AGO2: variants seen among roughly 807,000 people sequenced by gnomAD.
AGO2 encodes argonaute RISC catalytic component 2.
Under a neutral mutation model 102.3 loss-of-function variants are expected in AGO2, and 5 were observed. That is an observed-to-expected ratio of 0.05 (90% CI 0.03 to 0.10). AGO2 has a LOEUF of 0.10. AGO2 is among the 10% of genes least tolerant of loss of function. AGO2 has a pLI of 1.00. For synonymous variants in AGO2, 449 were observed against 473.1 expected, an observed-to-expected ratio of 0.95 and a Z score of 0.66; for missense variants, 541 against 1,183.7, an observed-to-expected ratio of 0.46 and a Z score of 7.97.
chr8:140,626,649 A>G (rs2074281805), intron 1 of AGO2: 1 of 152,262 alleles, frequency 6.6e-6, no homozygotes, highest in Non-Finnish European at 1.5e-5. Context: ...GGTGGGCCTG[A>G]CCTGAGCCTG....
At chr8:140,566,798 G>C (rs910807290) in intron 3 of AGO2, among the ~76,000 whole-genome samples, 3 of 152,172 alleles carry the variant, frequency 2.0e-5, no homozygotes, top group Non-Finnish European at 2.9e-5. Flanking sequence ...GGGCATGGGG[G>C]GACAATTCCA....
chr8:140,577,230 A>AAAATT, intron 2 of AGO2, among the ~76,000 whole-genome samples: 1 of 147,910 alleles, frequency 6.8e-6, no homozygotes, highest in Non-Finnish European at 1.5e-5. Flanking sequence ...AAAAAAAAAG[A>AAAATT]AACATGCCTG....
chr8:140,579,406 C>A lies in AGO2; in HGVS notation c.215+5713G>T, dbSNP rs140937020. 5.6e-4 allele frequency among the ~76,000 whole-genome samples: 85 copies of A among 152,274 alleles called. 1 individual carries two copies. The East Asian group carries it at 0.016, about 29-fold the overall frequency. ...GTATCAAACCCACACTTCTGAGGCG[C>A]CCATTTTCCTACTCTGTGTCTTTGG... On this transcript the variant is annotated intron_variant, in intron 2 of 18. Transcript: ENST00000220592.
intron 1 of AGO2, among the ~76,000 whole-genome samples, chr8:140,627,013 C>T (rs189561083): frequency 2.8e-4 from 43 of 152,254 alleles, no homozygotes; most frequent in African/African-American, 9.1e-4. Context: ...GCACACCAGG[C>T]GCCACACACA....
At chr8:140,580,336 T>A (rs1365735161) in intron 2 of AGO2, among the ~76,000 whole-genome samples, 1 of 152,248 alleles carries the variant, frequency 6.6e-6, no homozygotes, top group African/African-American at 2.4e-5. Flanking sequence ...ATTTTTCTCA[T>A]GGCCTTGGAT....
chr8:140,595,626 AT>A (rs1454182180), intron 1 of AGO2, among the ~76,000 whole-genome samples: 80 of 135,174 alleles, frequency 5.9e-4, no homozygotes, highest in East Asian at 4.9e-3. Flanking sequence ...ATATATATAT[AT>A]ATTATATATA....
In AGO2 at chr8:140,576,415, T is replaced by C. The variant is rs139509367; in HGVS notation, c.216-3483A>G. Among the ~76,000 whole-genome samples the C allele has an allele frequency of 6.6e-5, 10 of 152,330 alleles. 1 individual carries two copies. Among genetic ancestry groups the C allele is most frequent in the African/African-American group, 2.4e-4 (10 of 41,568 alleles). ...TCTAACAAAGAACTTGTATGCATAA[T>C]GTATTTAGGAAAATTCTTACAACTC... On this transcript the variant is annotated intron_variant, in intron 2 of 18. Coordinates refer to ENST00000220592, the MANE Select transcript of AGO2 (RefSeq NM_012154.5).
intron 11 of AGO2, among the ~76,000 whole-genome samples, chr8:140,549,778 T>C (rs1438218431): frequency 6.6e-6 from 1 of 152,180 alleles, no homozygotes; most frequent in Non-Finnish European, 1.5e-5. Flanking sequence ...TGGGCATAAC[T>C]TGGACTGTAT....
chr8:140,615,754 G>A (rs561714174), intron 1 of AGO2, among the ~76,000 whole-genome samples: 2 of 152,348 alleles, frequency 1.3e-5, no homozygotes, highest in Admixed American at 6.5e-5. Context: ...AGCTCTCCAC[G>A]CGGCTTCGCC....
intron 1 of AGO2, among the ~76,000 whole-genome samples, chr8:140,634,774 C>T (rs1409882452): frequency 1.3e-5 from 2 of 152,222 alleles, no homozygotes; most frequent in South Asian, 4.1e-4. Context: ...GAGCCGCGCA[C>T]GCAGTTTGAG....
intron 4 of AGO2, among the ~76,000 whole-genome samples, chr8:140,562,247 G>C (rs2073214481): frequency 6.6e-6 from 1 of 152,248 alleles, no homozygotes. Flanking sequence ...TTCCGGGCCA[G>C]GCCGAAAATG....
Position 140,585,177 on chromosome 8 carries a change from C to A in AGO2, c.157G>T (p.Asp53Tyr). 1 of 1,614,130 alleles carries A rather than the reference C, an allele frequency of 6.2e-7. No homozygotes were observed. Among genetic ancestry groups the A allele is most frequent in the South Asian group, 1.1e-5 (1 of 91,070 alleles). Residue 53 changes from aspartate to tyrosine, a missense_variant, in exon 2 of 19, where the codon GAC becomes TAC. Around this residue, in one of 6 missense-constraint regions of AGO2, gnomAD observed 147 missense variants for 204.1 expected, o/e 0.72. Transcript: ENST00000220592. ...ATATCCAATTCATAATGATAGATGT[C>A]AATTTTGGGGATGTCCATTTCGAAG... ...NFFEMDIPKI[D>Y]IYHYELDIKP...
rs543720673 is a variant in AGO2, at chr8:140,561,195, G to A, written c.519-685C>T. 3.3e-5 allele frequency among the ~76,000 whole-genome samples: 5 copies of A among 152,368 alleles called. No homozygotes were observed. The South Asian group carries it at 8.3e-4, about 25-fold the overall frequency. Reference sequence around the variant, plus strand: ...CTCCAGCACAGCAGCCTCACCTGCTGCACGGGCACCGTGGGGTCTGGTGGC... The same window carrying A: ...CTCCAGCACAGCAGCCTCACCTGCTACACGGGCACCGTGGGGTCTGGTGGC... On this transcript the variant is annotated intron_variant, in intron 4 of 18. Coordinates refer to ENST00000220592, the MANE Select transcript of AGO2 (RefSeq NM_012154.5).
chr8:140,562,399 G>C (rs2292773), intron 4 of AGO2, 54 bp downstream of exon 4: 4 of 1,557,674 alleles, frequency 2.6e-6, no homozygotes, highest in Non-Finnish European at 3.5e-6. Context: ...CCTGCGGGGG[G>C]CCCTCGGAGC....
At chr8:140,633,659 A>G (rs1429452179) in intron 1 of AGO2, among the ~76,000 whole-genome samples, 1 of 152,220 alleles carries the variant, frequency 6.6e-6, no homozygotes, top group East Asian at 1.9e-4. Flanking sequence ...GGTCCAGTCC[A>G]GCCCTAACAG....
Position 140,619,090 on chromosome 8 carries a change from C to A in AGO2, c.22+16395G>T, listed in dbSNP as rs115402781. On this transcript the variant is annotated intron_variant, in intron 1 of 18. Transcript: ENST00000220592. ...TGGCTCCTTATCCTGGTGGCAGCCGCGGCCTTATCTCTGTGATGCAGACAG... is the reference window on the plus strand; with the variant it reads ...TGGCTCCTTATCCTGGTGGCAGCCGAGGCCTTATCTCTGTGATGCAGACAG... Among the ~76,000 whole-genome samples, 255 of 152,056 alleles carry A rather than the reference C, an allele frequency of 1.7e-3. 3 individuals carry two copies. The highest frequency in any genetic ancestry group is 5.8e-3 in the African/African-American group (242 of 41,472).
intron 1 of AGO2, among the ~76,000 whole-genome samples, chr8:140,630,870 A>T (rs1218055356): frequency 6.6e-6 from 1 of 152,194 alleles, no homozygotes; most frequent in African/African-American, 2.4e-5. Flanking sequence ...CCTGGGCAAC[A>T]TGTCAGGACT....
chr8:140,629,562 G>A (rs931314960), intron 1 of AGO2, among the ~76,000 whole-genome samples: 2 of 151,980 alleles, frequency 1.3e-5, no homozygotes, highest in East Asian at 3.9e-4. Flanking sequence ...GGAGGGGGCC[G>A]GGCGCAGTGG....
At chr8:140,538,486 CT>C (rs2072736487) in intron 16 of AGO2, among the ~76,000 whole-genome samples, 1 of 152,206 alleles carries the variant, frequency 6.6e-6, no homozygotes, top group Non-Finnish European at 1.5e-5. Context: ...GGTCTCCTGC[CT>C]TTCGTCAGCT....
Sources: gnomAD v4.1 joint callset for allele counts (sites outside exome capture counted in the v4.1 genomes callset) on GRCh38, gnomAD v4.1.1 for gene constraint, gnomAD v4.1.1 regional missense constraint, MANE v1.5 for transcripts, NCBI Gene and HGNC (gene_info 2026-07-23, HGNC 2026-07-21) for gene names.